TACSTD2: variants seen among roughly 807,000 people sequenced by gnomAD.
The protein encoded by TACSTD2 is tumor associated calcium signal transducer 2.
A neutral mutation model predicts 7.9 loss-of-function variants in TACSTD2; 6 were observed. The observed-to-expected ratio is 0.76, with a 90% confidence interval of 0.42 to 1.50. TACSTD2 has a LOEUF of 1.50. Among genes scored for constraint, TACSTD2 ranks in the 40% most tolerant of loss-of-function variants. The pLI is 0.01. For synonymous variants in TACSTD2, 220 were observed against 225.5 expected (o/e 0.98, Z 0.22); for missense variants, 511 against 471.2 (o/e 1.08, Z -0.78).
Position 58,576,868 on chromosome 1 carries a change from G to A in TACSTD2, c.289C>T (p.Leu97Phe), listed in dbSNP as rs1646887390. 3 of 1,593,036 alleles carry A rather than the reference G, an allele frequency of 1.9e-6. No homozygotes were observed. The highest frequency in any genetic ancestry group is 1.7e-6 in the Non-Finnish European group (2 of 1,176,536). Residue 97 changes from leucine to phenylalanine, a missense_variant, in exon 1 of 1, where the codon CTC becomes TTC. Leu to Phe is a conservative substitution (Grantham distance 22). Coordinates refer to ENST00000371225, the MANE Select transcript of TACSTD2 (RefSeq NM_002353.3). ...TCGTAGAGGCCATCGTTGTCCACGAGCGCGTGCTCACTCGGCCGCACCAGC... is the reference window on the plus strand; with the variant it reads ...TCGTAGAGGCCATCGTTGTCCACGAACGCGTGCTCACTCGGCCGCACCAGC... The part of the protein sequence containing the change: ...RTLVRPSEHA[L>F]VDNDGLYDPD...
chr1:58,577,099 C>CCAGCAG lies in TACSTD2; in HGVS notation c.52_57dup (p.Leu18_Leu19dup), dbSNP rs771307350. 1.4e-6 allele frequency: 2 copies of CCAGCAG among 1,453,890 alleles called. No homozygotes were observed. The highest frequency in any genetic ancestry group is 1.8e-6 in the Non-Finnish European group (2 of 1,112,646). 90.1% of individuals were successfully genotyped at this position (1,453,890 alleles called of 1,614,324 possible). A position where few individuals can be genotyped will look rare whatever the true frequency, so the allele number is the denominator to read the frequency against. On this transcript the variant is annotated inframe_insertion, in exon 1 of 1. Coordinates refer to ENST00000371225, the MANE Select transcript of TACSTD2 (RefSeq NM_002353.3). ...GTGTGGCCGGTCACCGCCGCCAGCA[C>CCAGCAG]CAGCAGCAGCAGCGGCAGCCGCAGC...
Position 58,577,016 on chromosome 1 carries a change from G to T in TACSTD2, c.141C>A (p.Asp47Glu). Residue 47 changes from aspartate (D) to glutamate (E), a missense_variant, in exon 1 of 1, where the codon GAC (aspartate) becomes GAA (glutamate). Transcript: ENST00000371225. Reference protein sequence around the residue: ...PTNKMTVCSPDGPGGRCQCRA... With the variant: ...PTNKMTVCSPEGPGGRCQCRA... ...GGCACTGGCAGCGGCCGCCGGGGCC[G>T]TCGGGGCTGCACACGGTCATCTTGT... 3.2e-6 allele frequency: 5 copies of T among 1,557,718 alleles called. No homozygotes were observed. Among genetic ancestry groups the T allele is most frequent in the Non-Finnish European group, 4.3e-6 (5 of 1,155,180 alleles).
Position 58,577,015 on chromosome 1 carries a change from CGTCGGGGCT to C in TACSTD2, c.133_141del (p.Ser45_Asp47del). The C allele has an allele frequency of 6.4e-6, 10 of 1,558,284 alleles. No homozygotes were observed. The highest frequency in any genetic ancestry group is 7.8e-6 in the Non-Finnish European group (9 of 1,155,460). ...CGGCACTGGCAGCGGCCGCCGGGGC[CGTCGGGGCT>C]GCACACGGTCATCTTGTTGGTGGGA... On this transcript the variant is annotated inframe_deletion, in exon 1 of 1. Transcript: ENST00000371225.
In TACSTD2 at chr1:58,576,342, C is replaced by A. The variant is rs1375633575; in HGVS notation, c.815G>T (p.Arg272Leu). The change falls in exon 1 of 1, where the codon CGC becomes CTC. Residue 272 changes from arginine (R) to leucine (L), a missense_variant. By Grantham distance (102) the Arg-to-Leu change is moderately radical. Transcript: ENST00000371225. ...GACGGCGATGAGGCCGGCGGTGAGG[C>A]GCTTCATGGAGAACTTCGGGGGAAT... Reference protein sequence around the residue: ...DEIPPKFSMKRLTAGLIAVIV... With the variant: ...DEIPPKFSMKLLTAGLIAVIV... The A allele has an allele frequency of 1.9e-6, 3 of 1,613,038 alleles. No homozygotes were observed. The highest frequency in any genetic ancestry group is 2.5e-6 in the Non-Finnish European group (3 of 1,179,614).
At position 58,577,112 on chromosome 1, in the gene TACSTD2, C is replaced by T; in HGVS notation, c.45G>A (p.Pro15=). The T allele has an allele frequency of 1.4e-6, 2 of 1,433,804 alleles. No individual in the cohort carries two copies. Among genetic ancestry groups the T allele is most frequent in the Middle Eastern group, 2.3e-4 (1 of 4,366 alleles). 88.8% of individuals were successfully genotyped at this position (1,433,804 alleles called of 1,614,324 possible). The part of the protein sequence containing the change: ...PGLAPPPLRL[P]LLLLVLAAVT... ...CCGCCGCCAGCACCAGCAGCAGCAG[C>T]GGCAGCCGCAGCGGTGGCGGCGCGA... Residue 15 remains proline (P), a synonymous_variant, in exon 1 of 1, where the codon CCG becomes CCA. Transcript: ENST00000371225.
rs1197919321 is a variant in TACSTD2, at chr1:58,576,031, T to A, written c.*154A>T. ...AGGAGACCCTGAGGCCAGGATCTATTAAACCTGGTGTGTGCGCAAAAGGGA... is the reference window on the plus strand; with the variant it reads ...AGGAGACCCTGAGGCCAGGATCTATAAAACCTGGTGTGTGCGCAAAAGGGA... On this transcript the variant is annotated 3_prime_UTR_variant, in exon 1 of 1. Transcript: ENST00000371225. 7.8e-5 allele frequency: 71 copies of A among 904,802 alleles called. No individual in the cohort carries two copies. Among genetic ancestry groups the A allele is most frequent in the Non-Finnish European group, 1.1e-4 (70 of 610,726 alleles). 56.0% of individuals were successfully genotyped at this position (904,802 alleles called of 1,614,324 possible).
rs761623749 is a variant in TACSTD2 at position 58,576,507 on chromosome 1, A to C, written c.650T>G (p.Val217Gly). ...QNTSQKAAGD[V>G]DIGDAAYYFE... ...GTAGTAGGCGGCATCGCCGATATCC[A>C]CGTCACCGGCGGCCTTCTGAGACGT... Residue 217 changes from valine to glycine, a missense_variant, in exon 1 of 1, where the codon GTG (valine) becomes GGG (glycine). Transcript: ENST00000371225. 4 of 1,613,004 alleles carry C rather than the reference A, an allele frequency of 2.5e-6. No individual in the cohort carries two copies. The highest frequency in any genetic ancestry group is 3.4e-6 in the Non-Finnish European group (4 of 1,179,672).
Position 58,575,686 on chromosome 1 carries a change from G to A in TACSTD2, c.*499C>T, listed in dbSNP as rs1433030339. 1.3e-5 allele frequency: 2 copies of A among 156,236 alleles called. No individual in the cohort carries two copies. The highest frequency in any genetic ancestry group is 1.2e-4 in the Admixed American group (2 of 16,024). 9.7% of individuals were successfully genotyped at this position (156,236 alleles called of 1,614,324 possible). On this transcript the variant is annotated 3_prime_UTR_variant, in exon 1 of 1. Coordinates refer to ENST00000371225, the MANE Select transcript of TACSTD2 (RefSeq NM_002353.3). ...ATATGTGGTCAGTAATACAAACGAT[G>A]GTAAATGAGGCTACTACATAGGCCC...
Position 58,576,477 on chromosome 1 carries a change from T to C in TACSTD2, c.680A>G (p.Glu227Gly). Reference sequence around the variant, plus strand: ...TAGAGACTCGCCCTTGATGTCCCTCTCGAAGTAGTAGGCGGCATCGCCGAT... The same window carrying C: ...TAGAGACTCGCCCTTGATGTCCCTCCCGAAGTAGTAGGCGGCATCGCCGAT... The part of the protein sequence containing the change: ...VDIGDAAYYF[E>G]RDIKGESLFQ... Residue 227 changes from glutamate (E) to glycine (G), a missense_variant, in exon 1 of 1, where the codon GAG (glutamate) becomes GGG (glycine). By Grantham distance (98) the Glu-to-Gly change is moderately conservative. Transcript: ENST00000371225. The C allele has an allele frequency of 6.2e-7, 1 of 1,613,820 alleles. No homozygotes were observed. The highest frequency in any genetic ancestry group is 1.1e-5 in the South Asian group (1 of 91,014).
Position 58,577,085 on chromosome 1 carries a change from C to A in TACSTD2, c.72G>T (p.Val24=). The change falls in exon 1 of 1, where the codon GTG becomes GTT. Residue 24 remains valine (V), a synonymous_variant. Transcript: ENST00000371225. The part of the protein sequence containing the change: ...LPLLLLVLAA[V]TGHTAAQDNC... ...TGTCCTGCGCGGCCGTGTGGCCGGTCACCGCCGCCAGCACCAGCAGCAGCA... is the reference window on the plus strand; with the variant it reads ...TGTCCTGCGCGGCCGTGTGGCCGGTAACCGCCGCCAGCACCAGCAGCAGCA... 1 of 1,471,130 alleles carries A rather than the reference C, an allele frequency of 6.8e-7. No individual in the cohort carries two copies. 91.1% of individuals were successfully genotyped at this position (1,471,130 alleles called of 1,614,324 possible).
chr1:58,576,500 G>A lies in TACSTD2; in HGVS notation c.657C>T (p.Ile219=). The change falls in exon 1 of 1, where the codon ATC becomes ATT. Residue 219 remains isoleucine (I), a synonymous_variant. Transcript: ENST00000371225. Reference sequence around the variant, plus strand: ...TCTCGAAGTAGTAGGCGGCATCGCCGATATCCACGTCACCGGCGGCCTTCT... The same window carrying A: ...TCTCGAAGTAGTAGGCGGCATCGCCAATATCCACGTCACCGGCGGCCTTCT... ...TSQKAAGDVD[I]GDAAYYFERD... 2 of 1,613,106 alleles carry A rather than the reference G, an allele frequency of 1.2e-6. No individual in the cohort carries two copies. Among genetic ancestry groups the A allele is most frequent in the Non-Finnish European group, 8.5e-7 (1 of 1,179,700 alleles).
Position 58,576,488 on chromosome 1 carries a change from G to GGCGGCATCGCCGATATCC in TACSTD2, c.651_668dup (p.Asp218_Ala223dup). ...CCTTGATGTCCCTCTCGAAGTAGTAGGCGGCATCGCCGATATCCACGTCAC... is the reference window on the plus strand; with the variant it reads ...CCTTGATGTCCCTCTCGAAGTAGTAGGCGGCATCGCCGATATCCGCGGCATCGCCGATATCCACGTCAC... On this transcript the variant is annotated inframe_insertion, in exon 1 of 1. Coordinates refer to ENST00000371225, the MANE Select transcript of TACSTD2 (RefSeq NM_002353.3). 1 of 1,613,536 alleles carries GGCGGCATCGCCGATATCC rather than the reference G, an allele frequency of 6.2e-7. No individual in the cohort carries two copies. The highest frequency in any genetic ancestry group is 1.3e-5 in the African/African-American group (1 of 75,052).
In TACSTD2 at chr1:58,575,738, G is replaced by A. The variant is rs1300987309; in HGVS notation, c.*447C>T. The A allele has an allele frequency of 5.9e-6, 1 of 170,480 alleles. No homozygotes were observed. Among genetic ancestry groups the A allele is most frequent in the Non-Finnish European group, 1.3e-5 (1 of 79,130 alleles). The allele number at this position is 170,480 out of a possible 1,614,324, so 10.6% of individuals were successfully genotyped here. A position where few individuals can be genotyped will look rare whatever the true frequency, so the allele number is the denominator to read the frequency against. On this transcript the variant is annotated 3_prime_UTR_variant, in exon 1 of 1. Transcript: ENST00000371225. ...GTTAACAAACTCCTCTTCTCCTCGG[G>A]TAGGCCATGATACAAGTGGAACTCA...
rs542711338 is a variant in TACSTD2, at chr1:58,575,578, T to G, written c.*607A>C. ...AGGGCAAGCTGAAGAATAAATAGAC[T>G]GAGTTTCCGGGCAATGTCTGTCCTC... is the stretch of plus-strand genomic sequence containing the variant. On this transcript the variant is annotated 3_prime_UTR_variant, in exon 1 of 1. Coordinates refer to ENST00000371225, the MANE Select transcript of TACSTD2 (RefSeq NM_002353.3). The G allele has an allele frequency of 6.6e-6, 1 of 152,430 alleles. No homozygotes were observed. The highest frequency in any genetic ancestry group is 1.9e-4 in the East Asian group (1 of 5,190). The allele number at this position is 152,430 out of a possible 1,614,324, so 9.4% of individuals were successfully genotyped here.
At position 58,576,824 on chromosome 1, in the gene TACSTD2, C is replaced by T; in HGVS notation, c.333G>A (p.Glu111=). Residue 111 remains glutamate, a synonymous_variant, in exon 1 of 1, where the codon GAG becomes GAA. Transcript: ENST00000371225. ...TGCACTGGCGCGCCTTGAAGCGGCC[C>T]TCGGGGTCGCAGTCGGGGTCGTAGA... The part of the protein sequence containing the change: ...DGLYDPDCDP[E]GRFKARQCNQ... The T allele has an allele frequency of 6.3e-7, 1 of 1,595,982 alleles. No individual in the cohort carries two copies. The highest frequency in any genetic ancestry group is 8.5e-7 in the Non-Finnish European group (1 of 1,177,770).
chr1:58,576,965 G>A lies in TACSTD2; in HGVS notation c.192C>T (p.Val64=). The change falls in exon 1 of 1, where the codon GTC becomes GTT. Residue 64 remains valine (V), a synonymous_variant. Transcript: ENST00000371225. ...ACTTGGAGGTCAGCGTGGAGCAGTC[G>A]ACCGCCATGCCCGAGCCCAGCGCGC... The part of the protein sequence containing the change: ...QCRALGSGMA[V]DCSTLTSKCL... 6.3e-7 allele frequency: 1 copy of A among 1,580,652 alleles called. No homozygotes were observed. Among genetic ancestry groups the A allele is most frequent in the South Asian group, 1.1e-5 (1 of 88,426 alleles).
chr1:58,576,872 G>T lies in TACSTD2; in HGVS notation c.285C>A (p.His95Gln). 2 of 1,592,124 alleles carry T rather than the reference G, an allele frequency of 1.3e-6. No homozygotes were observed. The highest frequency in any genetic ancestry group is 8.5e-7 in the Non-Finnish European group (1 of 1,176,026). Residue 95 changes from histidine (H) to glutamine (Q), a missense_variant, in exon 1 of 1, where the codon CAC becomes CAA. Coordinates refer to ENST00000371225, the MANE Select transcript of TACSTD2 (RefSeq NM_002353.3). ...AGAGGCCATCGTTGTCCACGAGCGC[G>T]TGCTCACTCGGCCGCACCAGCGTGC... ...NARTLVRPSE[H>Q]ALVDNDGLYD...
chr1:58,576,214 C>G lies in TACSTD2; in HGVS notation c.943G>C (p.Gly315Arg). The G allele has an allele frequency of 6.2e-7, 1 of 1,614,180 alleles. No homozygotes were observed. Among genetic ancestry groups the G allele is most frequent in the Non-Finnish European group, 8.5e-7 (1 of 1,180,048 alleles). ...KYKKVEIKEL[G>R]ELRKEPSL is the part of the protein sequence containing the mutation. Reference sequence around the variant, plus strand: ...AAGCTCGGTTCCTTTCTCAACTCCCCCAGTTCCTTGATCTCCACCTTCTTG... The same window carrying G: ...AAGCTCGGTTCCTTTCTCAACTCCCGCAGTTCCTTGATCTCCACCTTCTTG... Residue 315 changes from glycine (G) to arginine (R), a missense_variant, in exon 1 of 1, where the codon GGG becomes CGG. Gly to Arg is a moderately radical substitution (Grantham distance 125). Transcript: ENST00000371225.
rs1235411427 is a variant in TACSTD2, at chr1:58,576,817, A to G, written c.340T>C (p.Phe114Leu). The change falls in exon 1 of 1, where the codon TTC (phenylalanine) becomes CTC (leucine). Residue 114 changes from phenylalanine (F) to leucine (L), a missense_variant. Coordinates refer to ENST00000371225, the MANE Select transcript of TACSTD2 (RefSeq NM_002353.3). ...YDPDCDPEGRFKARQCNQTSV... is the reference protein window; with the variant it reads ...YDPDCDPEGRLKARQCNQTSV... ...GTCTGGTTGCACTGGCGCGCCTTGAAGCGGCCCTCGGGGTCGCAGTCGGGG... is the reference window on the plus strand; with the variant it reads ...GTCTGGTTGCACTGGCGCGCCTTGAGGCGGCCCTCGGGGTCGCAGTCGGGG... 1.9e-6 allele frequency: 3 copies of G among 1,596,188 alleles called. No individual in the cohort carries two copies. In the African/African-American group the frequency reaches 4.0e-5, roughly 21 times the overall value.
Sources: gnomAD v4.1 joint callset for allele counts on GRCh38, gnomAD v4.1.1 for gene constraint, MANE v1.5 for transcripts, NCBI Gene and HGNC (gene_info 2026-07-23, HGNC 2026-07-21) for gene names.